The following FRMD3 variants were observed in gnomAD, a reference collection of about 807,000 sequenced individuals.
FRMD3 encodes the protein FERM domain containing 3, also known as FERM domain-containing protein 3.
A neutral mutation model predicts 70.2 loss-of-function variants in FRMD3; 33 were observed. The ratio of observed to expected loss-of-function variants is 0.47; its 90% CI spans 0.36 to 0.63. The LOEUF is 0.63. FRMD3 is among the 20% of genes least tolerant of loss of function. The pLI, the probability that FRMD3 is intolerant of heterozygous loss-of-function variation, is 0.00. For missense variants in FRMD3, 632 were observed against 711.4 expected (o/e 0.89, Z 1.27); for synonymous variants, 279 against 255.9 (o/e 1.09, Z -0.86).
intron 1 of FRMD3, among the ~76,000 whole-genome samples, chr9:83,449,935 T>C (rs142414625): frequency 1.3e-5 from 2 of 152,336 alleles, no homozygotes; most frequent in African/African-American, 4.8e-5. Context: ...GAGAGTGCAC[T>C]TGAAGCACTT....
intron 13 of FRMD3, among the ~76,000 whole-genome samples, chr9:83,272,367 C>T (rs565857822): frequency 1.1e-3 from 162 of 152,200 alleles, no homozygotes; most frequent in African/African-American, 3.6e-3. Context: ...CTTGGCCTCC[C>T]GAGGTGCCGG....
intron 1 of FRMD3, among the ~76,000 whole-genome samples, chr9:83,522,020 A>T (rs1335770289): frequency 6.6e-6 from 1 of 152,144 alleles, no homozygotes; most frequent in Admixed American, 6.5e-5. Context: ...ATATCTATAC[A>T]GGAGACACGC....
chr9:83,304,406 A>T (rs1835043775), intron 10 of FRMD3, among the ~76,000 whole-genome samples: 1 of 152,132 alleles, frequency 6.6e-6, no homozygotes, highest in South Asian at 2.1e-4. Flanking sequence ...GAATTTATTA[A>T]AAATATGGAC....
intron 1 of FRMD3, among the ~76,000 whole-genome samples, chr9:83,504,877 A>T (rs1307910827): frequency 2.0e-5 from 3 of 152,168 alleles, no homozygotes; most frequent in South Asian, 4.1e-4. Flanking sequence ...GGTACCTTGC[A>T]CAGTAAATAT....
chr9:83,486,423 A>G (rs1041382548), intron 1 of FRMD3, among the ~76,000 whole-genome samples: 1 of 152,190 alleles, frequency 6.6e-6, no homozygotes, highest in African/African-American at 2.4e-5. Context: ...CCTGTCATTC[A>G]AATAGCCAAG....
At chr9:83,545,307 G>A in the FRMD3 span, among the ~76,000 whole-genome samples, 1 of 151,236 alleles carries the variant, frequency 6.6e-6, no homozygotes, top group African/African-American at 2.4e-5. Context: ...CAGGTCTTTG[G>A]AAGTAACCCA....
At chr9:83,269,473 G>A (rs559717988) in intron 13 of FRMD3, among the ~76,000 whole-genome samples, 7 of 152,182 alleles carry the variant, frequency 4.6e-5, no homozygotes, top group Admixed American at 2.6e-4. Context: ...TTGGGAGGCC[G>A]AGGCCGGCAG....
chr9:83,460,252 C>G (rs896246832), intron 1 of FRMD3, among the ~76,000 whole-genome samples: 1 of 152,180 alleles, frequency 6.6e-6, no homozygotes, highest in East Asian at 1.9e-4. Flanking sequence ...CTTCTTGGGC[C>G]CTGCTTTCAA....
At chr9:83,417,968 A>G (rs960352116) in intron 1 of FRMD3, among the ~76,000 whole-genome samples, 7 of 152,210 alleles carry the variant, frequency 4.6e-5, no homozygotes, top group Non-Finnish European at 8.8e-5. Flanking sequence ...AGTTACATTA[A>G]TAATTTGACA....
At chr9:83,394,170 G>T (rs1377558684) in intron 1 of FRMD3, among the ~76,000 whole-genome samples, 1 of 151,988 alleles carries the variant, frequency 6.6e-6, no homozygotes, top group Non-Finnish European at 1.5e-5. Context: ...ACAATTTTTA[G>T]TGTGCGTTGG....
chr9:83,540,837 G>A (rs141055402), upstream of FRMD3, among the ~76,000 whole-genome samples: 99 of 152,232 alleles, frequency 6.5e-4, 2 homozygotes, highest in East Asian at 0.013. Flanking sequence ...TGAGCCACAA[G>A]GCCAAAACTG....
chr9:83,375,859 T>G (rs1825126754), intron 2 of FRMD3, among the ~76,000 whole-genome samples: 1 of 152,108 alleles, frequency 6.6e-6, no homozygotes, highest in South Asian at 2.1e-4. Context: ...CATGTACCCC[T>G]AACTTAAAAG....
At chr9:83,535,245 T>C (rs904311020) in intron 1 of FRMD3, among the ~76,000 whole-genome samples, 7 of 152,218 alleles carry the variant, frequency 4.6e-5, no homozygotes, top group Non-Finnish European at 5.9e-5. Context: ...CTATTCACAT[T>C]GTCTCAAGCA....
At chr9:83,526,498 C>G (rs1434466793) in intron 1 of FRMD3, among the ~76,000 whole-genome samples, 1 of 152,184 alleles carries the variant, frequency 6.6e-6, no homozygotes, top group Admixed American at 6.5e-5. Flanking sequence ...CCCTTTTTCT[C>G]CTTCTGAAAG....
rs73479771 is a variant in FRMD3 at position 83,277,915 on chromosome 9, T to C, written c.1195+12688A>G. On this transcript the variant is annotated intron_variant, in intron 13 of 13. Transcript: ENST00000304195. ...AGTGAGGGAAACAAGGTAAAGTCCT[T>C]GCTCTTTTGGAGCTGGTGTTTTAGT... is the stretch of plus-strand genomic sequence containing the variant. Among the ~76,000 whole-genome samples the C allele has an allele frequency of 8.2e-3, 1,251 of 152,324 alleles. 20 individuals are homozygous for C. Among genetic ancestry groups the C allele is most frequent in the African/African-American group, 0.029 (1,199 of 41,574 alleles).
At chr9:83,577,018 C>T in the FRMD3 span, among the ~76,000 whole-genome samples, 3 of 151,916 alleles carry the variant, frequency 2.0e-5, no homozygotes, top group Non-Finnish European at 4.4e-5. Context: ...TAAAATACTT[C>T]TTTTTAAAAC....
chr9:83,363,665 C>T (rs1331831287), intron 3 of FRMD3, among the ~76,000 whole-genome samples: 2 of 151,296 alleles, frequency 1.3e-5, no homozygotes, highest in African/African-American at 4.9e-5. Flanking sequence ...CGCCATTCTC[C>T]TGCCTCAGCC....
chr9:83,438,525 G>A (rs1035599581), intron 1 of FRMD3, among the ~76,000 whole-genome samples: 5 of 152,194 alleles, frequency 3.3e-5, no homozygotes, highest in Middle Eastern at 6.8e-3. Context: ...TCAGCCTCCC[G>A]AGTAGCTGGG....
At chr9:83,272,098 G>C (rs1197812550) in intron 13 of FRMD3, among the ~76,000 whole-genome samples, 1 of 143,748 alleles carries the variant, frequency 7.0e-6, no homozygotes, top group African/African-American at 2.6e-5. Flanking sequence ...CTCCATCTCT[G>C]TCTCCCTCTC....
Sources: gnomAD v4.1 joint callset for allele counts (sites outside exome capture counted in the v4.1 genomes callset) on GRCh38, gnomAD v4.1.1 for gene constraint, MANE v1.5 for transcripts, NCBI Gene and HGNC (gene_info 2026-07-23, HGNC 2026-07-21) for gene names.